The following TNS3 variants were observed in gnomAD, a reference collection of about 807,000 sequenced individuals.
TNS3 encodes tensin-3.
In TNS3, 45 loss-of-function variants were observed where a neutral mutation model predicts 140.9. The ratio of observed to expected loss-of-function variants is 0.32; its 90% CI spans 0.25 to 0.41. The LOEUF is 0.41. TNS3 is among the 10% of genes least tolerant of loss of function. The probability of loss-of-function intolerance (pLI) is 1.00; values close to 1 mark genes in which losing one functional copy is unlikely to be tolerated. For synonymous variants in TNS3, 815 were observed against 788.4 expected, an observed-to-expected ratio of 1.03 and a Z score of -0.56; for missense variants, 1,716 against 1,906.7, an observed-to-expected ratio of 0.90 and a Z score of 1.86.
chr7:47,281,388 G>A (rs1359621447), intron 28 of TNS3, among the ~76,000 whole-genome samples: 1 of 152,208 alleles, frequency 6.6e-6, no homozygotes, highest in Admixed American at 6.5e-5. Flanking sequence ...TGTCCAGGCT[G>A]GGCCAGTCTA....
intron 2 of TNS3, among the ~76,000 whole-genome samples, chr7:47,524,811 G>GAAAAAAA (rs58986640): frequency 2.2e-5 from 2 of 92,998 alleles, no homozygotes; most frequent in Middle Eastern, 7.4e-3. Flanking sequence ...TCCGTCTCAA[G>GAAAAAAA]AAAAAAAAAA....
At chr7:47,356,099 G>A (rs145670880) in intron 17 of TNS3, among the ~76,000 whole-genome samples, 5 of 152,268 alleles carry the variant, frequency 3.3e-5, no homozygotes, top group African/African-American at 1.2e-4. Flanking sequence ...TCCACAGCAG[G>A]GTCACAAATC....
At chr7:47,532,072 C>G (rs921399726) in intron 1 of TNS3, among the ~76,000 whole-genome samples, 2 of 150,824 alleles carry the variant, frequency 1.3e-5, no homozygotes, top group East Asian at 1.9e-4. Context: ...AGCCCCCCCC[C>G]GCCCACCATC....
intron 16 of TNS3, chr7:47,396,545 G>T: frequency 2.0e-6 from 1 of 505,896 alleles, no homozygotes; most frequent in Non-Finnish European, 3.6e-6. Context: ...AGGAGCTCCT[G>T]GATATAACTT....
intron 4 of TNS3, among the ~76,000 whole-genome samples, chr7:47,444,342 T>C (rs987310281): frequency 1.3e-5 from 2 of 152,206 alleles, no homozygotes; most frequent in South Asian, 4.1e-4. Flanking sequence ...TTCCTACAAG[T>C]GGGCTGTCGC....
At chr7:47,486,017 AGT>A (rs1360925185) in intron 3 of TNS3, among the ~76,000 whole-genome samples, 3 of 141,034 alleles carry the variant, frequency 2.1e-5, no homozygotes, top group African/African-American at 8.0e-5. Context: ...TGTGGAGGTG[AGT>A]GTGTGTGGGG....
intron 20 of TNS3, among the ~76,000 whole-genome samples, chr7:47,307,598 C>T (rs1218452563): frequency 6.6e-6 from 1 of 152,238 alleles, no homozygotes; most frequent in Non-Finnish European, 1.5e-5. Flanking sequence ...ATCAATCCTG[C>T]CCCTACTTGG....
At chr7:47,412,875 T>C (rs1194318348) in intron 12 of TNS3, among the ~76,000 whole-genome samples, 1 of 152,266 alleles carries the variant, frequency 6.6e-6, no homozygotes, top group Non-Finnish European at 1.5e-5. Context: ...GGTATTGTTA[T>C]GTAATCTAGA....
chr7:47,469,158 C>G (rs1796842523), intron 4 of TNS3, among the ~76,000 whole-genome samples: 1 of 152,142 alleles, frequency 6.6e-6, no homozygotes, highest in African/African-American at 2.4e-5. Context: ...TAAGAAATAC[C>G]CTTATCGACA....
At chr7:47,531,876 G>A (rs980805830) in intron 1 of TNS3, among the ~76,000 whole-genome samples, 2 of 152,166 alleles carry the variant, frequency 1.3e-5, no homozygotes. Context: ...GCCAGGAGCA[G>A]GCAGGATCTG....
At chr7:47,427,513 C>T (rs1794720327) in intron 9 of TNS3, among the ~76,000 whole-genome samples, 1 of 152,136 alleles carries the variant, frequency 6.6e-6, no homozygotes, top group Admixed American at 6.5e-5. Context: ...CAAATGTAGA[C>T]CCCATAAATA....
intron 3 of TNS3, among the ~76,000 whole-genome samples, chr7:47,506,058 A>G (rs528833972): frequency 4.6e-5 from 7 of 152,268 alleles, no homozygotes; most frequent in African/African-American, 1.4e-4. Flanking sequence ...CAAAATCCCA[A>G]GACTCTAAAA....
At chr7:47,512,609 C>T (rs909087216) in intron 2 of TNS3, among the ~76,000 whole-genome samples, 1 of 151,976 alleles carries the variant, frequency 6.6e-6, no homozygotes, top group South Asian at 2.1e-4. Flanking sequence ...ACTTTGTGAC[C>T]GACAGACATG....
At chr7:47,382,818 G>A (rs754604813) in intron 16 of TNS3, among the ~76,000 whole-genome samples, 2 of 152,128 alleles carry the variant, frequency 1.3e-5, no homozygotes, top group Non-Finnish European at 2.9e-5. Flanking sequence ...CTGTGTGTTG[G>A]CTGAAAAAAA....
intron 3 of TNS3, chr7:47,481,563 C>A: frequency 1.4e-6 from 1 of 723,410 alleles, no homozygotes; most frequent in Non-Finnish European, 1.7e-6. Flanking sequence ...CATCCTCACC[C>A]AGGGGCATGC....
intron 2 of TNS3, among the ~76,000 whole-genome samples, chr7:47,527,389 A>G (rs1455239984): frequency 6.6e-6 from 1 of 152,216 alleles, no homozygotes; most frequent in African/African-American, 2.4e-5. Context: ...TGGGACACAG[A>G]GGGGCTGCTG....
chr7:47,486,175 AGT>A (rs993730918), intron 3 of TNS3, among the ~76,000 whole-genome samples: 32 of 151,822 alleles, frequency 2.1e-4, no homozygotes, highest in African/African-American at 7.7e-4. Context: ...TAAGTTTGAG[AGT>A]GTTGTGAGTT....
intron 2 of TNS3, among the ~76,000 whole-genome samples, chr7:47,515,329 C>T (rs2151905027): frequency 6.6e-6 from 1 of 152,300 alleles, no homozygotes; most frequent in South Asian, 2.1e-4. Context: ...TCTATCATCA[C>T]CATCAGTATC....
At chr7:47,550,722 G>A (rs1411945620) in intron 1 of TNS3, among the ~76,000 whole-genome samples, 1 of 152,186 alleles carries the variant, frequency 6.6e-6, no homozygotes, top group African/African-American at 2.4e-5. Context: ...AAAAAAGGCT[G>A]GAAGCAGTTT....
Sources: allele counts gnomAD v4.1 joint callset (sites outside exome capture counted in the v4.1 genomes callset), GRCh38; gene constraint gnomAD v4.1.1; transcripts MANE v1.5; gene names NCBI Gene and HGNC (gene_info 2026-07-23, HGNC 2026-07-21).